TMEM132B: variants seen among roughly 807,000 people sequenced by gnomAD.
TMEM132B encodes transmembrane protein 132B.
TMEM132B carries 18 observed loss-of-function variants against 90.8 expected under a neutral mutation model. The observed-to-expected ratio is 0.20, with a 90% confidence interval of 0.14 to 0.29. The LOEUF (loss-of-function observed/expected upper bound fraction) is 0.29. Among genes scored for constraint, TMEM132B ranks in the 10% least tolerant of loss-of-function variants. TMEM132B has a pLI of 1.00. For missense variants in TMEM132B, 1,096 were observed against 1,326.8 expected, an observed-to-expected ratio of 0.83 and a Z score of 2.70; for synonymous variants, 504 against 523.3, an observed-to-expected ratio of 0.96 and a Z score of 0.50.
rs919063581 is a variant in TMEM132B, at chr12:125,401,887, G to A, written c.960-13644G>A. On this transcript the variant is annotated intron_variant, in intron 2 of 8. Coordinates refer to ENST00000682704, the MANE Select transcript of TMEM132B (RefSeq NM_001366854.1). The stretch of plus-strand genomic sequence containing the variant: ...TTATAATAAAAGTTTATTTTATCTT[G>A]TAGTAAACAAAATTAGGGGTTGGCA... 3.2e-4 allele frequency among the ~76,000 whole-genome samples: 48 copies of A among 151,848 alleles called. 1 individual carries two copies. The highest frequency in any genetic ancestry group is 3.2e-3 in the Admixed American group (48 of 15,232).
At chr12:125,650,558 C>A in intron 6 of TMEM132B, 125 bp from the exon 7 acceptor site, 3 of 1,076,318 alleles carry the variant, frequency 2.8e-6, no homozygotes, top group South Asian at 1.6e-5. Context: ...GATGGCTGAG[C>A]AGGTCCTGCA....
At chr12:125,360,512 AC>A (rs1301626089) in intron 2 of TMEM132B, among the ~76,000 whole-genome samples, 2 of 152,190 alleles carry the variant, frequency 1.3e-5, no homozygotes, top group Non-Finnish European at 2.9e-5. Context: ...ACATCGTTAG[AC>A]TTTTACTGCC....
chr12:125,217,815 C>A (rs1028877394), intron 1 of TMEM132B, among the ~76,000 whole-genome samples: 1 of 152,170 alleles, frequency 6.6e-6, no homozygotes. Context: ...AACGTCCATG[C>A]CTTGAACCCA....
chr12:125,545,494 T>C (rs1169858115), intron 4 of TMEM132B, among the ~76,000 whole-genome samples: 3 of 152,222 alleles, frequency 2.0e-5, no homozygotes, highest in Non-Finnish European at 4.4e-5. Flanking sequence ...CATGGCACCA[T>C]GATATTCCTT....
chr12:125,576,165 C>G (rs1486713140), intron 4 of TMEM132B, among the ~76,000 whole-genome samples: 1 of 151,954 alleles, frequency 6.6e-6, no homozygotes, highest in Admixed American at 6.6e-5. Flanking sequence ...TTCAACAATA[C>G]TTTGTGAGAC....
intron 1 of TMEM132B, among the ~76,000 whole-genome samples, chr12:125,206,037 A>T (rs1018139272): frequency 1.2e-4 from 18 of 152,220 alleles, no homozygotes; most frequent in African/African-American, 4.3e-4. Flanking sequence ...TAGCTCCTGG[A>T]TTCTTCAGAA....
chr12:125,596,204 G>A (rs1885436029), intron 5 of TMEM132B, among the ~76,000 whole-genome samples: 1 of 152,148 alleles, frequency 6.6e-6, no homozygotes, highest in African/African-American at 2.4e-5. Context: ...TCACTAAACG[G>A]ATATGGACTT....
chr12:125,223,020 A>G (rs1873594755), intron 1 of TMEM132B, among the ~76,000 whole-genome samples: 1 of 152,242 alleles, frequency 6.6e-6, no homozygotes, highest in African/African-American at 2.4e-5. Flanking sequence ...GAAATTGCAA[A>G]TCTTGCAAGA....
chr12:125,291,649 G>A (rs1875543605), intron 1 of TMEM132B, among the ~76,000 whole-genome samples: 1 of 152,148 alleles, frequency 6.6e-6, no homozygotes, highest in Admixed American at 6.5e-5. Flanking sequence ...CTCCAGATGA[G>A]ACCACACCTC....
intron 5 of TMEM132B, among the ~76,000 whole-genome samples, chr12:125,589,777 G>A (rs1306335300): frequency 1.3e-5 from 2 of 152,076 alleles, no homozygotes; most frequent in Non-Finnish European, 2.9e-5. Context: ...TACTAAGTGG[G>A]ATGGTGCTGA....
At chr12:125,642,403 G>A (rs1436333561) in intron 5 of TMEM132B, among the ~76,000 whole-genome samples, 1 of 152,146 alleles carries the variant, frequency 6.6e-6, no homozygotes, top group South Asian at 2.1e-4. Context: ...ATAAAATAAA[G>A]CAAAGAGAGG....
At chr12:125,341,589 G>T (rs1489140576) in intron 1 of TMEM132B, among the ~76,000 whole-genome samples, 1 of 152,116 alleles carries the variant, frequency 6.6e-6, no homozygotes, top group Non-Finnish European at 1.5e-5. Context: ...GCCCTCAAGG[G>T]TGGCTCTCCT....
chr12:125,271,647 C>G (rs190133402), intron 1 of TMEM132B, among the ~76,000 whole-genome samples: 1 of 152,122 alleles, frequency 6.6e-6, no homozygotes, highest in Non-Finnish European at 1.5e-5. Flanking sequence ...AATTGCAAAC[C>G]TACTATGTGC....
At position 125,204,441 on chromosome 12, in the gene TMEM132B, G is replaced by A. The variant is rs1458397769; in HGVS notation, c.67+17575G>A. ...CATGAATCCTTTCAATGAGGGCTCCGTGTACCAGGCACTGTGCTTAGCTCT... is the reference window on the plus strand; with the variant it reads ...CATGAATCCTTTCAATGAGGGCTCCATGTACCAGGCACTGTGCTTAGCTCT... On this transcript the variant is annotated intron_variant, in intron 1 of 8. Transcript: ENST00000682704. Among the ~76,000 whole-genome samples the A allele has an allele frequency of 8.2e-5, 10 of 121,608 alleles. 1 individual carries two copies. Among genetic ancestry groups the A allele is most frequent in the Non-Finnish European group, 9.5e-5 (5 of 52,562 alleles). 79.8% of individuals were successfully genotyped at this position (121,608 alleles called of 152,430 possible). A position where few individuals can be genotyped will look rare whatever the true frequency, so the allele number is the denominator to read the frequency against.
At chr12:125,332,061 A>G (rs1338916611) in intron 1 of TMEM132B, among the ~76,000 whole-genome samples, 2 of 152,178 alleles carry the variant, frequency 1.3e-5, no homozygotes, top group East Asian at 1.9e-4. Flanking sequence ...TTTAGGTAAT[A>G]ATTATATAAT....
chr12:125,473,856 T>A (rs1438936887), intron 3 of TMEM132B, among the ~76,000 whole-genome samples: 1 of 152,222 alleles, frequency 6.6e-6, no homozygotes, highest in Non-Finnish European at 1.5e-5. Context: ...CCTAAAAGAT[T>A]TCTTTGCCTT....
intron 5 of TMEM132B, chr12:125,622,697 G>T: frequency 1.0e-6 from 1 of 983,528 alleles, no homozygotes; most frequent in Non-Finnish European, 1.2e-6. Flanking sequence ...TGTCTTTTCA[G>T]CTTGGGCCTT....
chr12:125,490,083 A>T lies in TMEM132B; in HGVS notation c.1107-29356A>T, dbSNP rs1483612571. ...TGTTTTAGTTATGTTGGGGGGAGTT[A>T]CTCCAGAGATTAACTCTGTAAAGAA... is the stretch of plus-strand genomic sequence containing the variant. On this transcript the variant is annotated intron_variant, in intron 3 of 8. Transcript: ENST00000682704. This position sits in a 1 kb window ranked among gnomAD's most constrained non-coding sequence, Gnocchi z 4.2. 6.6e-6 allele frequency among the ~76,000 whole-genome samples: 1 copy of T among 152,156 alleles called. No individual in the cohort carries two copies. Among genetic ancestry groups the T allele is most frequent in the Non-Finnish European group, 1.5e-5 (1 of 68,030 alleles).
intron 5 of TMEM132B, among the ~76,000 whole-genome samples, chr12:125,617,062 T>C (rs1886005609): frequency 6.6e-6 from 1 of 152,226 alleles, no homozygotes; most frequent in Admixed American, 6.5e-5. Context: ...GTGTATGGTA[T>C]TTTGTTGTAA....
Sources: allele counts gnomAD v4.1 joint callset (sites outside exome capture counted in the v4.1 genomes callset), GRCh38; gene constraint gnomAD v4.1.1; non-coding constraint Gnocchi (gnomAD v3.1); transcripts MANE v1.5; gene names NCBI Gene and HGNC (gene_info 2026-07-23, HGNC 2026-07-21).